PLSCR1: variants seen among roughly 807,000 people sequenced by gnomAD.
PLSCR1 encodes the protein PL scramblase 1.
In PLSCR1, 17 loss-of-function variants were observed where a neutral mutation model predicts 37.8. The observed-to-expected ratio is 0.45, with a 90% CI of 0.31 to 0.68. PLSCR1 has a LOEUF of 0.68. Among genes scored for constraint, PLSCR1 ranks in the 30% least tolerant of loss-of-function variants. PLSCR1 has a pLI of 0.06. For synonymous variants in PLSCR1, 116 were observed against 125.9 expected (o/e 0.92, Z 0.53); for missense variants, 347 against 380.9 (o/e 0.91, Z 0.74).
intron 2 of PLSCR1, among the ~76,000 whole-genome samples, chr3:146,535,598 C>A (rs1302030525): frequency 6.6e-6 from 1 of 152,112 alleles, no homozygotes; most frequent in Non-Finnish European, 1.5e-5. Context: ...CAAATACATT[C>A]ATACATACAT....
intron 1 of PLSCR1, among the ~76,000 whole-genome samples, chr3:146,539,821 T>G (rs1233341240): frequency 2.0e-5 from 3 of 152,216 alleles, no homozygotes; most frequent in African/African-American, 4.8e-5. Flanking sequence ...GAAAGTGGTA[T>G]GTAATAAGCT....
At chr3:146,520,104 C>T (rs1195974954) in intron 7 of PLSCR1, 1 of 151,980 alleles carries the variant, frequency 6.6e-6, no homozygotes, top group South Asian at 2.1e-4. Context: ...TCAAAGTTTC[C>T]ATTGTCAACT....
At position 146,515,226 on chromosome 3, in the gene PLSCR1, C is replaced by T. The variant is rs1402929461; in HGVS notation, c.*819G>A. The T allele has an allele frequency of 2.0e-5, 3 of 152,018 alleles. No individual in the cohort carries two copies. The highest frequency in any genetic ancestry group is 2.9e-5 in the Non-Finnish European group (2 of 68,002). 9.4% of individuals were successfully genotyped at this position (152,018 alleles called of 1,614,324 possible). ...TTTCAAATATTTGAATCTAATAGAT[C>T]ATTATTTAGGTTTATACTCTGTGAA... On this transcript the variant is annotated 3_prime_UTR_variant, in exon 9 of 9. Coordinates refer to ENST00000342435, the MANE Select transcript of PLSCR1 (RefSeq NM_021105.3).
In PLSCR1 at chr3:146,521,897, T is replaced by A; in HGVS notation, c.512A>T (p.Glu171Val). ...TLRIIDNMGQ[E>V]VITLERPLRC... ...TAGTGGTCTCTCCAGAGTTATGACT[T>A]CTTGACCCATATTATCAATAATCCT... The change falls in exon 6 of 9, where the codon GAA becomes GTA. Residue 171 changes from glutamate to valine, a missense_variant. Glu to Val is a moderately radical substitution (Grantham distance 121, BLOSUM62 -2). Transcript: ENST00000342435. The A allele has an allele frequency of 6.2e-7, 1 of 1,613,970 alleles. No homozygotes were observed. Among genetic ancestry groups the A allele is most frequent in the African/African-American group, 1.3e-5 (1 of 75,012 alleles).
intron 5 of PLSCR1, among the ~76,000 whole-genome samples, chr3:146,524,970 CT>C: frequency 6.6e-6 from 1 of 152,280 alleles, no homozygotes; most frequent in South Asian, 2.1e-4. Context: ...TCTTCTTCCC[CT>C]GGCAGCCATT....
Position 146,515,915 on chromosome 3 carries a change from T to C in PLSCR1, c.*130A>G. 3.5e-6 allele frequency: 2 copies of C among 572,756 alleles called. No homozygotes were observed. Among genetic ancestry groups the C allele is most frequent in the Non-Finnish European group, 6.3e-6 (2 of 319,572 alleles). 35.5% of individuals were successfully genotyped at this position (572,756 alleles called of 1,614,324 possible). ...TAAATCAGTTATACAGAAGATAAAC[T>C]ATAATTTGAAAAGCAAAAGTATACA... On this transcript the variant is annotated 3_prime_UTR_variant, in exon 9 of 9. Transcript: ENST00000342435.
rs187779925 is a variant in PLSCR1, at chr3:146,535,467, T to C, written c.13+1073A>G. Among the ~76,000 whole-genome samples, 6 of 152,332 alleles carry C rather than the reference T, an allele frequency of 3.9e-5. No individual in the cohort carries two copies. The East Asian group carries it at 9.6e-4, about 24-fold the overall frequency. On this transcript the variant is annotated intron_variant, in intron 2 of 8. Coordinates refer to ENST00000342435, the MANE Select transcript of PLSCR1 (RefSeq NM_021105.3). ...TTTTGAAATGCAACTTAAAATGGCT[T>C]ATAAGAAGTACAAGTCTATCACATT...
chr3:146,528,960 C>T lies in PLSCR1; in HGVS notation c.95-129G>A, dbSNP rs113437343. The stretch of plus-strand genomic sequence containing the variant: ...ACATCTGTATCTGTGATGTTTAATA[C>T]GCTTTTCTCTTTCTGAGATTTTTCA... On this transcript the variant is annotated intron_variant, in intron 3 of 8. Transcript: ENST00000342435. The T allele has an allele frequency of 3.4e-3, 2,240 of 655,270 alleles. 15 individuals carry two copies. Among genetic ancestry groups the T allele is most frequent in the African/African-American group, 0.019 (1,060 of 54,942 alleles). 40.6% of individuals were successfully genotyped at this position (655,270 alleles called of 1,614,324 possible).
At chr3:146,539,863 T>C (rs1348938286) in intron 1 of PLSCR1, among the ~76,000 whole-genome samples, 1 of 152,320 alleles carries the variant, frequency 6.6e-6, no homozygotes, top group South Asian at 2.1e-4. Context: ...TCCTTGTACC[T>C]GTACATGTGC....
At chr3:146,521,504 T>C in intron 7 of PLSCR1, 40 bp downstream of exon 7, 4 of 1,560,814 alleles carry the variant, frequency 2.6e-6, no homozygotes, top group Non-Finnish European at 3.5e-6. Context: ...TCTTCTTATA[T>C]TAGGAAAGCA....
At chr3:146,529,674 A>C (rs2044169609) in intron 3 of PLSCR1, among the ~76,000 whole-genome samples, 1 of 152,032 alleles carries the variant, frequency 6.6e-6, no homozygotes, top group East Asian at 1.9e-4. Flanking sequence ...CACCACGCCC[A>C]GCTAATTTTT....
intron 8 of PLSCR1, 85 bp from the exon 9 acceptor site, chr3:146,516,186 G>T: frequency 1.4e-6 from 1 of 731,740 alleles, no homozygotes; most frequent in Non-Finnish European, 2.3e-6. Flanking sequence ...AAGGGATCTA[G>T]TGAAACACAG....
intron 5 of PLSCR1, among the ~76,000 whole-genome samples, chr3:146,524,555 C>T (rs1055495386): frequency 4.6e-5 from 7 of 151,422 alleles, no homozygotes; most frequent in Admixed American, 2.6e-4. Flanking sequence ...GCCTATAAAT[C>T]TACAAAAAAA....
chr3:146,532,774 G>T (rs9880682), intron 3 of PLSCR1, among the ~76,000 whole-genome samples: 13,361 of 152,134 alleles, frequency 0.088, 804 homozygotes, highest in Non-Finnish European at 0.11. Context: ...TATTTTTAAA[G>T]TTCTAGTAGT....
chr3:146,525,566 A>C, intron 5 of PLSCR1, 39 bp downstream of exon 5: 1 of 1,087,036 alleles, frequency 9.2e-7, no homozygotes, highest in Non-Finnish European at 1.4e-6. Context: ...ATAAACTTCT[A>C]CTCTTTATAG....
At chr3:146,541,819 T>G (rs1320534733) in intron 1 of PLSCR1, among the ~76,000 whole-genome samples, 1 of 152,206 alleles carries the variant, frequency 6.6e-6, no homozygotes, top group Non-Finnish European at 1.5e-5. Flanking sequence ...GCACTCTACC[T>G]TCATGAATAG....
In PLSCR1 at chr3:146,521,715, C is replaced by T. The variant is rs1161825924; in HGVS notation, c.577-10G>A. 1.9e-6 allele frequency: 3 copies of T among 1,607,222 alleles called. No individual in the cohort carries two copies. The highest frequency in any genetic ancestry group is 2.6e-6 in the Non-Finnish European group (3 of 1,174,428). On this transcript the variant is annotated splice_polypyrimidine_tract_variant and intron_variant, in intron 6 of 8. Transcript: ENST00000342435. Reference sequence around the variant, plus strand: ...GAGCTTGGATTTCTATCTACAAAGGCAAAATAATATATGTAAATGTAATAA... The same window carrying T: ...GAGCTTGGATTTCTATCTACAAAGGTAAAATAATATATGTAAATGTAATAA...
intron 2 of PLSCR1, 92 bp downstream of exon 2, chr3:146,536,448 C>A: frequency 1.3e-6 from 1 of 764,496 alleles, no homozygotes. Flanking sequence ...TATACACTTT[C>A]AGACACTGAA....
Position 146,521,945 on chromosome 3 carries a change from C to T in PLSCR1, c.464G>A (p.Gly155Glu), listed in dbSNP as rs1258807722. 2 of 1,612,508 alleles carry T rather than the reference C, an allele frequency of 1.2e-6. No homozygotes were observed. Among genetic ancestry groups the T allele is most frequent in the African/African-American group, 1.3e-5 (1 of 74,840 alleles). ...DTDCCTRNCCGPSRPFTLRII... is the reference protein window; with the variant it reads ...DTDCCTRNCCEPSRPFTLRII... ...CCTCAAGGTAAAAGGTCTAGATGGC[C>T]CACAGCAATTTCGGGTACAGCAATC... The change falls in exon 6 of 9, where the codon GGG becomes GAG. Residue 155 changes from glycine to glutamate, a missense_variant. Gly to Glu is a moderately conservative substitution (Grantham distance 98). Transcript: ENST00000342435.
Sources: gnomAD v4.1 joint callset for allele counts (sites outside exome capture counted in the v4.1 genomes callset) on GRCh38, gnomAD v4.1.1 for gene constraint, MANE v1.5 for transcripts, NCBI Gene and HGNC (gene_info 2026-07-23, HGNC 2026-07-21) for gene names.